Variants in SYT9 observed in about 807,000 individuals in gnomAD.
SYT9 encodes synaptotagmin 9.
In SYT9, 22 loss-of-function variants were observed where a neutral mutation model predicts 48.4. The ratio of observed to expected loss-of-function variants is 0.45; its 90% CI spans 0.32 to 0.65. The LOEUF is 0.65. Among genes scored for constraint, SYT9 ranks in the 30% least tolerant of loss-of-function variants. SYT9 has a pLI of 0.03. For synonymous variants in SYT9, 265 were observed against 245.0 expected, an observed-to-expected ratio of 1.08 and a Z score of -0.76; for missense variants, 577 against 622.0, an observed-to-expected ratio of 0.93 and a Z score of 0.77.
At chr11:7,352,965 T>A (rs1849945904) in intron 3 of SYT9, among the ~76,000 whole-genome samples, 1 of 152,238 alleles carries the variant, frequency 6.6e-6, no homozygotes, top group Non-Finnish European at 1.5e-5. Flanking sequence ...GTATGTTTAT[T>A]ACACACATAA....
chr11:7,364,716 T>A (rs1469216439), intron 3 of SYT9, among the ~76,000 whole-genome samples: 1 of 152,242 alleles, frequency 6.6e-6, no homozygotes, highest in Non-Finnish European at 1.5e-5. Flanking sequence ...ATATTTAAGA[T>A]CGTTTTGTGA....
intron 1 of SYT9, among the ~76,000 whole-genome samples, chr11:7,284,668 C>G (rs1848564352): frequency 6.6e-6 from 1 of 152,006 alleles, no homozygotes; most frequent in South Asian, 2.1e-4. Context: ...TGGGTGTGCT[C>G]TCTTTTTCAT....
chr11:7,435,415 C>T (rs79482764), intron 6 of SYT9: 1 of 152,174 alleles, frequency 6.6e-6, no homozygotes. Flanking sequence ...TCTAAAGCCC[C>T]CATGCACAGA....
chr11:7,264,349 G>A (rs1848134401), intron 1 of SYT9, among the ~76,000 whole-genome samples: 1 of 152,118 alleles, frequency 6.6e-6, no homozygotes, highest in Non-Finnish European at 1.5e-5. Context: ...GCATAGGTGT[G>A]TGTGTTTCTT....
chr11:7,388,644 C>A (rs1850705572), intron 3 of SYT9, among the ~76,000 whole-genome samples: 1 of 151,986 alleles, frequency 6.6e-6, no homozygotes, highest in Admixed American at 6.6e-5. Flanking sequence ...AATTTTTTAG[C>A]ATTTTAAATG....
At chr11:7,418,241 G>A in intron 5 of SYT9, 113 bp downstream of exon 5, 2 of 1,186,870 alleles carry the variant, frequency 1.7e-6, no homozygotes, top group Non-Finnish European at 2.4e-6. Context: ...TGCAGGAAAT[G>A]AGTCAACTAG....
At chr11:7,448,431 C>A (rs1847978625) in intron 6 of SYT9, among the ~76,000 whole-genome samples, 1 of 152,260 alleles carries the variant, frequency 6.6e-6, no homozygotes, top group Non-Finnish European at 1.5e-5. Context: ...TTCAGGGCTC[C>A]AAATCCCTGC....
intron 1 of SYT9, among the ~76,000 whole-genome samples, chr11:7,291,402 C>G (rs779334643): frequency 1.3e-5 from 2 of 152,130 alleles, no homozygotes; most frequent in African/African-American, 4.8e-5. Flanking sequence ...TATTTGAGTA[C>G]AGGATATTTT....
chr11:7,270,849 ACAC>A (rs1848282318), intron 1 of SYT9, among the ~76,000 whole-genome samples: 1 of 146,688 alleles, frequency 6.8e-6, no homozygotes, highest in Admixed American at 6.7e-5. Context: ...ACACACACAC[ACAC>A]ACACACACAC....
At chr11:7,457,101 A>G (rs12273362) in intron 6 of SYT9, 45,924 of 152,006 alleles carry the variant, frequency 0.3, 8,180 homozygotes, top group African/African-American at 0.48. Flanking sequence ...CTTATACTTT[A>G]TGTTGGGGCC....
intron 1 of SYT9, among the ~76,000 whole-genome samples, chr11:7,254,263 C>T (rs553547330): frequency 6.6e-6 from 1 of 152,164 alleles, no homozygotes. Context: ...GAAGTAGCCC[C>T]ATGCCCCTGT....
At chr11:7,251,127 C>A (rs1847859336), upstream of SYT9, among the ~76,000 whole-genome samples, 1 of 150,756 alleles carries the variant, frequency 6.6e-6, no homozygotes, top group Non-Finnish European at 1.5e-5. Flanking sequence ...CACACACACA[C>A]ACACACCCAG....
intron 1 of SYT9, among the ~76,000 whole-genome samples, chr11:7,256,747 G>A (rs1306960930): frequency 1.3e-5 from 2 of 152,026 alleles, no homozygotes; most frequent in African/African-American, 4.8e-5. Context: ...CAGGATACTG[G>A]TTTTCCATTC....
rs367890149 is a variant in SYT9, at chr11:7,424,411, C to G, written c.1467+3776C>G. Among the ~76,000 whole-genome samples, 8 of 152,216 alleles carry G rather than the reference C, an allele frequency of 5.3e-5. No homozygotes were observed. In the East Asian group the frequency reaches 9.6e-4, roughly 18 times the overall value. On this transcript the variant is annotated intron_variant, in intron 6 of 6. Coordinates refer to ENST00000318881, the MANE Select transcript of SYT9 (RefSeq NM_175733.4). ...CTAAGAGCTCCCTTAGCACGGCACCCTCCTCCACCAATTCAAGAGAAGATG... is the reference window on the plus strand; with the variant it reads ...CTAAGAGCTCCCTTAGCACGGCACCGTCCTCCACCAATTCAAGAGAAGATG...
At chr11:7,405,127 C>T (rs1180825873) in intron 3 of SYT9, among the ~76,000 whole-genome samples, 1 of 151,158 alleles carries the variant, frequency 6.6e-6, no homozygotes, top group Non-Finnish European at 1.5e-5. Flanking sequence ...TACTCTGCCA[C>T]CCTTTATATT....
At chr11:7,446,625 G>A (rs1026132983) in intron 6 of SYT9, among the ~76,000 whole-genome samples, 1 of 152,172 alleles carries the variant, frequency 6.6e-6, no homozygotes, top group Non-Finnish European at 1.5e-5. Flanking sequence ...ACTTCCCAGA[G>A]CAAGGGAAGA....
chr11:7,462,636 A>G (rs181862687), intron 6 of SYT9, among the ~76,000 whole-genome samples: 2 of 152,340 alleles, frequency 1.3e-5, no homozygotes, highest in East Asian at 3.9e-4. Context: ...ATCTTCATAT[A>G]TTTGCAAAGC....
intron 1 of SYT9, among the ~76,000 whole-genome samples, chr11:7,273,570 C>A (rs184191324): frequency 8.5e-5 from 13 of 152,200 alleles, no homozygotes; most frequent in African/African-American, 2.9e-4. Flanking sequence ...CTTAAAAGAA[C>A]TTGAAGATTG....
Position 7,468,925 on chromosome 11 carries a change from G to A in SYT9, c.*2125G>A, listed in dbSNP as rs1848374978. On this transcript the variant is annotated 3_prime_UTR_variant, in exon 7 of 7. Coordinates refer to ENST00000318881, the MANE Select transcript of SYT9 (RefSeq NM_175733.4). ...AAAGCTTTGCCTAGCCAGTACAGCT[G>A]TGAGCAGAGGCTGGTTATAAATTTG... 6.6e-6 allele frequency: 1 copy of A among 152,226 alleles called. No homozygotes were observed. The highest frequency in any genetic ancestry group is 1.5e-5 in the Non-Finnish European group (1 of 68,060). 9.4% of individuals were successfully genotyped at this position (152,226 alleles called of 1,614,324 possible). A position where few individuals can be genotyped will look rare whatever the true frequency, so the allele number is the denominator to read the frequency against.
Sources: allele counts gnomAD v4.1 joint callset (sites outside exome capture counted in the v4.1 genomes callset), GRCh38; gene constraint gnomAD v4.1.1; transcripts MANE v1.5; gene names NCBI Gene and HGNC (gene_info 2026-07-23, HGNC 2026-07-21).